Variants in AGAP1 observed in about 807,000 individuals in gnomAD.
AGAP1 encodes the protein ArfGAP with GTPase domain, ankyrin repeat and PH domain 1, also known as arf-GAP with GTPase, ANK repeat and PH domain-containing protein 1.
A neutral mutation model predicts 105.3 loss-of-function variants in AGAP1; 29 were observed. The ratio of observed to expected loss-of-function variants is 0.28; its 90% confidence interval spans 0.21 to 0.38. The LOEUF (loss-of-function observed/expected upper bound fraction) is 0.38. Ranked by LOEUF, AGAP1 falls within the 10% of genes least tolerant of loss-of-function variation. The pLI is 1.00. For missense variants in AGAP1, 998 were observed against 1,165.1 expected, an observed-to-expected ratio of 0.86 and a Z score of 2.09; for synonymous variants, 509 against 485.9, an observed-to-expected ratio of 1.05 and a Z score of -0.63.
intron 1 of AGAP1, among the ~76,000 whole-genome samples, chr2:235,643,688 G>C (rs1305806268): frequency 6.6e-6 from 1 of 151,836 alleles, no homozygotes; most frequent in Admixed American, 6.6e-5. Flanking sequence ...CAGGGGCCAA[G>C]TGAGATAACC....
intron 11 of AGAP1, among the ~76,000 whole-genome samples, chr2:235,922,320 C>T (rs772075350): frequency 3.9e-5 from 6 of 152,156 alleles, no homozygotes; most frequent in South Asian, 2.1e-4. Context: ...TGGGAATAAA[C>T]GTCTGTTTTA....
At position 236,117,689 on chromosome 2, in the gene AGAP1, G is replaced by A. The variant is rs540081468; in HGVS notation, c.2115-2503G>A. Among the ~76,000 whole-genome samples, 5 of 152,282 alleles carry A rather than the reference G, an allele frequency of 3.3e-5. 1 individual carries two copies. The highest frequency in any genetic ancestry group is 6.5e-5 in the Admixed American group (1 of 15,284). On this transcript the variant is annotated intron_variant, in intron 16 of 17. Coordinates refer to ENST00000304032, the MANE Select transcript of AGAP1 (RefSeq NM_001037131.3). ...CAAATTGGAACTGGAAAATCTGGAC[G>A]CATCCTTCACCGTCATCCCTTTTCA...
chr2:235,702,934 G>GTGTTTTTTTTTTTT (rs1553609552), intron 1 of AGAP1, among the ~76,000 whole-genome samples: 33 of 88,940 alleles, frequency 3.7e-4, no homozygotes, highest in South Asian at 2.7e-3. Context: ...AGTTTTCTTG[G>GTGTTTTTTTTTTTT]TTTTTTTTTT....
At position 235,959,854 on chromosome 2, in the gene AGAP1, C is replaced by T. The variant is rs1245076595; in HGVS notation, c.1484-8608C>T. On this transcript the variant is annotated intron_variant, in intron 12 of 17. Transcript: ENST00000304032. This position sits in a 1 kb window ranked among gnomAD's most constrained non-coding sequence, Gnocchi z 7.3. ...TCCTGCCAAACCTGCTCCCACCCGC[C>T]CCAGCCCAGAGCATGTGGCTTCTCT... Among the ~76,000 whole-genome samples, 3 of 152,224 alleles carry T rather than the reference C, an allele frequency of 2.0e-5. No individual in the cohort carries two copies. Among genetic ancestry groups the T allele is most frequent in the Non-Finnish European group, 2.9e-5 (2 of 68,046 alleles).
chr2:235,686,646 G>C (rs6726875), intron 1 of AGAP1, among the ~76,000 whole-genome samples: 2 of 18,824 alleles, frequency 1.1e-4, no homozygotes, highest in Non-Finnish European at 2.0e-4. Context: ...TATATATATA[G>C]ATATATATAT....
Position 235,782,256 on chromosome 2 carries a change from ATT to A in AGAP1, c.674-15492_674-15491del, listed in dbSNP as rs35429287. On this transcript the variant is annotated intron_variant, in intron 6 of 17. Coordinates refer to ENST00000304032, the MANE Select transcript of AGAP1 (RefSeq NM_001037131.3). ...CTATATAGTATTTACACTCCTGCCC[ATT>A]TTTTTTTTTTGTATTTTTTCCATCA... is the stretch of plus-strand genomic sequence containing the variant. 2.0e-3 allele frequency among the ~76,000 whole-genome samples: 291 copies of A among 148,410 alleles called. 1 individual carries two copies. Among genetic ancestry groups the A allele is most frequent in the East Asian group, 9.4e-3 (48 of 5,080 alleles).
chr2:235,816,564 A>T (rs907061659), intron 9 of AGAP1, among the ~76,000 whole-genome samples: 1 of 152,080 alleles, frequency 6.6e-6, no homozygotes, highest in African/African-American at 2.4e-5. Flanking sequence ...TACTTCCCAC[A>T]GTCTTTGGCC....
intron 6 of AGAP1, among the ~76,000 whole-genome samples, chr2:235,755,997 G>GTA (rs1953896124): frequency 1.3e-5 from 2 of 152,196 alleles, no homozygotes; most frequent in Admixed American, 1.3e-4. Flanking sequence ...GTTCAAGGTG[G>GTA]TAGCAAGCTG....
intron 1 of AGAP1, among the ~76,000 whole-genome samples, chr2:235,624,673 C>T (rs1946584320): frequency 6.6e-6 from 1 of 152,138 alleles, no homozygotes; most frequent in African/African-American, 2.4e-5. Flanking sequence ...GTCTCAGCTA[C>T]AGCCCCTCAG....
intron 13 of AGAP1, among the ~76,000 whole-genome samples, chr2:236,016,036 GA>G (rs1039330332): frequency 1.2e-5 from 1 of 82,586 alleles, no homozygotes; most frequent in African/African-American, 9.0e-5. Flanking sequence ...TCTCAGCCAG[GA>G]AAAAAAAGAA....
At chr2:236,068,754 C>T (rs976341669) in intron 16 of AGAP1, among the ~76,000 whole-genome samples, 11 of 143,008 alleles carry the variant, frequency 7.7e-5, no homozygotes, top group Non-Finnish European at 1.6e-4. Flanking sequence ...GAGCCAAGAT[C>T]GCGCCACTGC....
In AGAP1 at chr2:235,613,581, C is replaced by T. The variant is rs572636322; in HGVS notation, c.164-95598C>T. 7.2e-5 allele frequency among the ~76,000 whole-genome samples: 11 copies of T among 152,240 alleles called. No homozygotes were observed. The South Asian group carries it at 1.7e-3, about 23-fold the overall frequency. On this transcript the variant is annotated intron_variant, in intron 1 of 17. Transcript: ENST00000304032. ...GAAAGTGTTTTTAGGTAAATAATAA[C>T]GCCTTCTTGCCTCTCTCCCTTTATC...
At chr2:236,106,484 G>C (rs2059496341) in intron 16 of AGAP1, among the ~76,000 whole-genome samples, 1 of 152,260 alleles carries the variant, frequency 6.6e-6, no homozygotes, top group African/African-American at 2.4e-5. Context: ...CCTGCCCTCT[G>C]TGTGATGGGC....
At chr2:235,546,233 C>T (rs1055288055) in intron 1 of AGAP1, among the ~76,000 whole-genome samples, 2 of 152,232 alleles carry the variant, frequency 1.3e-5, no homozygotes, top group Non-Finnish European at 2.9e-5. Flanking sequence ...CAAGGTAGAG[C>T]TGCAGGAACC....
intron 1 of AGAP1, among the ~76,000 whole-genome samples, chr2:235,589,197 T>TTG (rs1945240456): frequency 3.2e-5 from 3 of 93,560 alleles, no homozygotes; most frequent in Admixed American, 1.1e-4. Context: ...TTGTTTTGTT[T>TTG]TTTTTTTTTT....
intron 10 of AGAP1, among the ~76,000 whole-genome samples, chr2:235,884,404 T>C (rs1295902470): frequency 6.6e-6 from 1 of 152,090 alleles, no homozygotes; most frequent in African/African-American, 2.4e-5. Context: ...TATACTATTG[T>C]TTTTTATTTG....
rs765293317 is a variant in AGAP1, at chr2:235,596,897, G to T, written c.163+102048G>T. ...GGTGGCACGAATGCCCCTCAGGAGC[G>T]CTTGCTCTGTACCCTATGAGGACAT... is the stretch of plus-strand genomic sequence containing the variant. On this transcript the variant is annotated intron_variant, in intron 1 of 17. Transcript: ENST00000304032. The surrounding 1 kb of genome is among the most constrained non-coding windows in gnomAD (Gnocchi z 5.9). Among the ~76,000 whole-genome samples, 1 of 152,142 alleles carries T rather than the reference G, an allele frequency of 6.6e-6. No individual in the cohort carries two copies. The highest frequency in any genetic ancestry group is 2.4e-5 in the African/African-American group (1 of 41,442).
intron 9 of AGAP1, among the ~76,000 whole-genome samples, chr2:235,849,320 C>T (rs371814050): frequency 1.2e-4 from 19 of 152,312 alleles, no homozygotes; most frequent in East Asian, 1.9e-4. Flanking sequence ...TATTGGCCAA[C>T]GAGGGCCAAT....
Position 235,865,676 on chromosome 2 carries a change from C to T in AGAP1, c.1051-17669C>T, listed in dbSNP as rs906564108. Reference sequence around the variant, plus strand: ...TAGGTGCTCTGGAGGAGGGGCAGGGCGGGAAATATTACTATTTTAAAAAGC... The same window carrying T: ...TAGGTGCTCTGGAGGAGGGGCAGGGTGGGAAATATTACTATTTTAAAAAGC... On this transcript the variant is annotated intron_variant, in intron 9 of 17. Transcript: ENST00000304032. The surrounding 1 kb of genome is among the most constrained non-coding windows in gnomAD (Gnocchi z 6.2). 4.6e-5 allele frequency among the ~76,000 whole-genome samples: 7 copies of T among 151,918 alleles called. No homozygotes were observed. Among genetic ancestry groups the T allele is most frequent in the African/African-American group, 1.5e-4 (6 of 41,364 alleles).
Sources: gnomAD v4.1 joint callset for allele counts (sites outside exome capture counted in the v4.1 genomes callset) on GRCh38, gnomAD v4.1.1 for gene constraint, Gnocchi (gnomAD v3.1) non-coding constraint, MANE v1.5 for transcripts, NCBI Gene and HGNC (gene_info 2026-07-23, HGNC 2026-07-21) for gene names.